Variants in CTNNA3 observed in about 807,000 individuals in gnomAD.
CTNNA3 encodes catenin alpha 3.
CTNNA3 carries 76 observed loss-of-function variants against 95.7 expected under a neutral mutation model. The ratio of observed to expected loss-of-function variants is 0.79; its 90% CI spans 0.66 to 0.96. The LOEUF is 0.96. Among genes scored for constraint, CTNNA3 ranks in the 40% least tolerant of loss-of-function variants. The pLI, the probability that CTNNA3 is intolerant of heterozygous loss-of-function variation, is 0.00. For synonymous variants in CTNNA3, 431 were observed against 374.4 expected (o/e 1.15, Z -1.74); for missense variants, 1,191 against 1,089.8 (o/e 1.09, Z -1.31).
At chr10:67,335,485 A>G (rs1173134339) in intron 5 of CTNNA3, among the ~76,000 whole-genome samples, 1 of 152,220 alleles carries the variant, frequency 6.6e-6, no homozygotes, top group Non-Finnish European at 1.5e-5. Flanking sequence ...GGTGCTCCTT[A>G]TAATTCTCAC....
intron 9 of CTNNA3, among the ~76,000 whole-genome samples, chr10:66,663,736 T>A (rs1439808522): frequency 6.6e-6 from 1 of 152,160 alleles, no homozygotes; most frequent in East Asian, 1.9e-4. Context: ...CAGAGTTCAG[T>A]TCTGTACACC....
intron 1 of CTNNA3, among the ~76,000 whole-genome samples, chr10:67,714,913 C>T (rs1402273606): frequency 6.6e-6 from 1 of 152,202 alleles, no homozygotes. Flanking sequence ...TGAGACATGT[C>T]TTTCACCTTC....
intron 7 of CTNNA3, among the ~76,000 whole-genome samples, chr10:66,937,971 G>A (rs1847801578): frequency 6.6e-6 from 1 of 152,048 alleles, no homozygotes; most frequent in African/African-American, 2.4e-5. Context: ...CACGATTTGA[G>A]GAAATGGATA....
intron 15 of CTNNA3, among the ~76,000 whole-genome samples, chr10:66,020,667 A>ATT (rs1260731235): frequency 1.1e-5 from 1 of 90,736 alleles, no homozygotes; most frequent in African/African-American, 4.1e-5. Context: ...TGATGATCTG[A>ATT]ATTTTTTTTT....
At chr10:66,166,576 A>C (rs2085145146) in intron 13 of CTNNA3, among the ~76,000 whole-genome samples, 1 of 151,884 alleles carries the variant, frequency 6.6e-6, no homozygotes, top group South Asian at 2.1e-4. Flanking sequence ...AAAGCAAAAA[A>C]CTGGTAACTC....
chr10:66,448,508 T>C (rs1350441534), intron 11 of CTNNA3, among the ~76,000 whole-genome samples: 7 of 152,060 alleles, frequency 4.6e-5, no homozygotes, highest in Admixed American at 4.6e-4. Flanking sequence ...TAAAAAATGA[T>C]GAGTTCATGT....
chr10:67,290,694 G>T (rs1839801533), intron 5 of CTNNA3, among the ~76,000 whole-genome samples: 1 of 152,122 alleles, frequency 6.6e-6, no homozygotes, highest in African/African-American at 2.4e-5. Flanking sequence ...ACTCAAAGAT[G>T]TCTGACTCCA....
At chr10:67,189,532 A>G (rs1454739815) in intron 6 of CTNNA3, among the ~76,000 whole-genome samples, 1 of 150,650 alleles carries the variant, frequency 6.6e-6, no homozygotes, top group Non-Finnish European at 1.5e-5. Context: ...TCATTTAGCC[A>G]CTGCATAATG....
chr10:66,614,314 A>C (rs1232441717), intron 10 of CTNNA3, among the ~76,000 whole-genome samples: 3 of 152,088 alleles, frequency 2.0e-5, no homozygotes, highest in African/African-American at 7.2e-5. Flanking sequence ...CAATGAATAT[A>C]ATCTGAAAAA....
intron 5 of CTNNA3, among the ~76,000 whole-genome samples, chr10:67,265,778 G>A (rs1866800319): frequency 6.6e-6 from 1 of 152,108 alleles, no homozygotes; most frequent in Non-Finnish European, 1.5e-5. Context: ...CTCTTCATGT[G>A]CAAAAACCTG....
intron 5 of CTNNA3, among the ~76,000 whole-genome samples, chr10:67,259,096 T>C (rs1366491100): frequency 1.3e-5 from 2 of 152,216 alleles, no homozygotes; most frequent in East Asian, 1.9e-4. Context: ...CCACAGTTGA[T>C]TGAATCTGCA....
chr10:67,329,362 C>A (rs541944603), intron 5 of CTNNA3, among the ~76,000 whole-genome samples: 2 of 152,182 alleles, frequency 1.3e-5, no homozygotes, highest in South Asian at 2.1e-4. Context: ...CAAAGTGAGA[C>A]CCTGTCTCAA....
intron 11 of CTNNA3, among the ~76,000 whole-genome samples, chr10:66,394,569 A>G (rs904289792): frequency 1.3e-3 from 195 of 144,682 alleles, no homozygotes; most frequent in Non-Finnish European, 1.8e-3. Flanking sequence ...AAAAAAAAAA[A>G]AAGAAGAAGA....
At chr10:66,833,161 T>C (rs905651749) in intron 7 of CTNNA3, among the ~76,000 whole-genome samples, 1 of 152,246 alleles carries the variant, frequency 6.6e-6, no homozygotes, top group Non-Finnish European at 1.5e-5. Context: ...GGTAGTCCTC[T>C]GAGGTCTGAA....
chr10:66,192,041 G>A (rs1413265082), intron 13 of CTNNA3, among the ~76,000 whole-genome samples: 4 of 152,092 alleles, frequency 2.6e-5, no homozygotes, highest in Non-Finnish European at 5.9e-5. Context: ...CCAGATGACA[G>A]CCTCTTGATA....
chr10:67,609,106 A>C (rs1428695029), intron 2 of CTNNA3, among the ~76,000 whole-genome samples: 2 of 151,838 alleles, frequency 1.3e-5, no homozygotes, highest in Non-Finnish European at 2.9e-5. Context: ...AAAAAAAAAA[A>C]AAAACAACCC....
chr10:66,315,541 C>T (rs907233303), intron 12 of CTNNA3, among the ~76,000 whole-genome samples: 1 of 151,260 alleles, frequency 6.6e-6, no homozygotes, highest in African/African-American at 2.4e-5. Context: ...TAAATAAGTG[C>T]TATGGTTTGA....
intron 17 of CTNNA3, among the ~76,000 whole-genome samples, chr10:65,951,880 A>G (rs1225512539): frequency 6.6e-6 from 1 of 152,114 alleles, no homozygotes; most frequent in Non-Finnish European, 1.5e-5. Context: ...ATACAAAAAA[A>G]TTAGCCGGGC....
chr10:66,818,244 C>A (rs1842165031), intron 7 of CTNNA3, among the ~76,000 whole-genome samples: 1 of 152,124 alleles, frequency 6.6e-6, no homozygotes, highest in Non-Finnish European at 1.5e-5. Context: ...TGTCTACTCT[C>A]ATCACTTTGA....
Sources: gnomAD v4.1 joint callset for allele counts (sites outside exome capture counted in the v4.1 genomes callset) on GRCh38, gnomAD v4.1.1 for gene constraint, MANE v1.5 for transcripts, NCBI Gene and HGNC (gene_info 2026-07-23, HGNC 2026-07-21) for gene names.